Variants in ANKRD55 observed in about 807,000 individuals in gnomAD.
The protein encoded by ANKRD55 is ankyrin repeat domain 55, also known as ankyrin repeat domain-containing protein 55.
A neutral mutation model predicts 60.6 loss-of-function variants in ANKRD55; 41 were observed. The ratio of observed to expected loss-of-function variants is 0.68; its 90% CI spans 0.53 to 0.88. ANKRD55 has a LOEUF of 0.88. Ranked by LOEUF, ANKRD55 falls within the 40% of genes least tolerant of loss-of-function variation. The pLI, the probability that ANKRD55 is intolerant of heterozygous loss-of-function variation, is 0.00. For synonymous variants in ANKRD55, 264 were observed against 290.3 expected (o/e 0.91, Z 0.92); for missense variants, 732 against 767.6 (o/e 0.95, Z 0.55).
In ANKRD55 at chr5:56,206,164, A is replaced by G. The variant is rs192055462; in HGVS notation, c.59-22530T>C. Among the ~76,000 whole-genome samples, 456 of 150,614 alleles carry G rather than the reference A, an allele frequency of 3.0e-3. 4 individuals are homozygous for G. The highest frequency in any genetic ancestry group is 0.011 in the African/African-American group (435 of 40,742). On this transcript the variant is annotated intron_variant, in intron 2 of 11. Coordinates refer to ENST00000341048, the MANE Select transcript of ANKRD55 (RefSeq NM_024669.3). Reference sequence around the variant, plus strand: ...TTAATTTTTTGTATTTTTAGTAGACATGGGGCTTCACCATGTTGGCCAGGC... The same window carrying G: ...TTAATTTTTTGTATTTTTAGTAGACGTGGGGCTTCACCATGTTGGCCAGGC...
At chr5:56,177,863 T>A (rs1168812938) in intron 3 of ANKRD55, among the ~76,000 whole-genome samples, 3 of 152,176 alleles carry the variant, frequency 2.0e-5, no homozygotes, top group Non-Finnish European at 4.4e-5. Flanking sequence ...CTAATTTACA[T>A]CTATCTTGAG....
chr5:56,170,662 A>T lies in ANKRD55; in HGVS notation c.422+32T>A, dbSNP rs758722299. 1.9e-6 allele frequency: 3 copies of T among 1,576,506 alleles called. No homozygotes were observed. The South Asian group carries it at 3.3e-5, about 17-fold the overall frequency. On this transcript the variant is annotated intron_variant, in intron 5 of 11. Transcript: ENST00000341048. ...TTCTCATACAAGTTGAGTCACTCCC[A>T]ACTTGAGCATCATGTAAACCTGGCC...
intron 5 of ANKRD55, among the ~76,000 whole-genome samples, chr5:56,160,346 C>T (rs2111793931): frequency 6.6e-6 from 1 of 152,350 alleles, no homozygotes; most frequent in African/African-American, 2.4e-5. Flanking sequence ...TAGCACCATC[C>T]TCCTGCCTCA....
At chr5:56,100,337 A>G (rs1221521090) in intron 11 of ANKRD55, 33 bp from the exon 12 acceptor site, 8 of 1,613,370 alleles carry the variant, frequency 5.0e-6, no homozygotes, top group African/African-American at 2.7e-5. Context: ...GAGACTTTCA[A>G]GATTTGCTTC....
At chr5:56,217,747 T>A (rs1474047003) in intron 2 of ANKRD55, among the ~76,000 whole-genome samples, 1 of 151,844 alleles carries the variant, frequency 6.6e-6, no homozygotes, top group East Asian at 1.9e-4. Context: ...ACAAAAAAAA[T>A]TAGCCGGGCG....
rs528468748 is a variant in ANKRD55 at position 56,182,633 on chromosome 5, C to CTTGGTAT, written c.181+878_181+879insATACCAA. ...GGGATCTTCCTGTTTCTTGGTATGA[C>CTTGGTAT]GAGTGATTTTTGATTGAAACTTGGA... On this transcript the variant is annotated intron_variant, in intron 3 of 11. Coordinates refer to ENST00000341048, the MANE Select transcript of ANKRD55 (RefSeq NM_024669.3). Among the ~76,000 whole-genome samples the CTTGGTAT allele has an allele frequency of 1.6e-3, 246 of 152,094 alleles. 2 individuals are homozygous for CTTGGTAT. The highest frequency in any genetic ancestry group is 4.4e-3 in the African/African-American group (183 of 41,490).
chr5:56,113,171 C>G (rs1403885665), intron 9 of ANKRD55, among the ~76,000 whole-genome samples: 1 of 152,154 alleles, frequency 6.6e-6, no homozygotes, highest in Non-Finnish European at 1.5e-5. Flanking sequence ...CCACTGAACC[C>G]TTGGAGAGGG....
At chr5:56,116,574 T>A (rs752808794) in intron 9 of ANKRD55, 41 bp downstream of exon 9, 1 of 1,413,876 alleles carries the variant, frequency 7.1e-7, no homozygotes, top group Non-Finnish European at 9.3e-7. Context: ...TTATAAATAG[T>A]TGAGAAGAAT....
intron 6 of ANKRD55, among the ~76,000 whole-genome samples, chr5:56,149,557 C>T (rs777982369): frequency 1.5e-4 from 23 of 152,186 alleles, no homozygotes; most frequent in Non-Finnish European, 2.2e-4. Flanking sequence ...AGAACATCTA[C>T]ATTCTTCTGC....
At position 56,111,353 on chromosome 5, in the gene ANKRD55, A is replaced by G; in HGVS notation, c.1395T>C (p.His465=). The change falls in exon 10 of 12, where the codon CAT becomes CAC. Residue 465 remains histidine, a synonymous_variant. Transcript: ENST00000341048. ...SHAGLSSAPH[H]MAQRSQKSRS... is the part of the protein sequence containing the mutation. ...GACTTTTCTGAGATCGCTGGGCCAT[A>G]TGATGAGGAGCAGAGCTCAGGCCTG... 4 of 1,614,176 alleles carry G rather than the reference A, an allele frequency of 2.5e-6. No individual in the cohort carries two copies. Among genetic ancestry groups the G allele is most frequent in the East Asian group, 2.2e-5 (1 of 44,886 alleles).
chr5:56,111,955 T>G (rs1049816862), intron 9 of ANKRD55, among the ~76,000 whole-genome samples, 173 bp from the exon 10 acceptor site: 4 of 152,188 alleles, frequency 2.6e-5, no homozygotes, highest in Admixed American at 2.0e-4. Flanking sequence ...ACAGTACCCC[T>G]GGCAATCCCG....
chr5:56,143,881 T>C lies in ANKRD55; in HGVS notation c.532A>G (p.Thr178Ala). The C allele has an allele frequency of 6.2e-7, 1 of 1,614,102 alleles. No homozygotes were observed. The highest frequency in any genetic ancestry group is 8.5e-7 in the Non-Finnish European group (1 of 1,180,026). Residue 178 changes from threonine to alanine, a missense_variant, in exon 7 of 12, where the codon ACA becomes GCA. Around this residue, in one of 3 missense-constraint regions of ANKRD55, gnomAD observed 597 missense variants for 607.5 expected, o/e 0.98. Transcript: ENST00000341048. ...GCCCCCTTCTTCAGCAGCATTTGTGTGTGTTGAGGCTGGTTGTGGAAAGCC... is the reference window on the plus strand; with the variant it reads ...GCCCCCTTCTTCAGCAGCATTTGTGCGTGTTGAGGCTGGTTGTGGAAAGCC... ...WAAFHNQPQH[T>A]QMLLKKGADP...
At chr5:56,104,382 T>C (rs1382740151) in intron 10 of ANKRD55, among the ~76,000 whole-genome samples, 1 of 152,172 alleles carries the variant, frequency 6.6e-6, no homozygotes, top group African/African-American at 2.4e-5. Flanking sequence ...GTAACTTCTA[T>C]TATTCTGCCT....
intron 5 of ANKRD55, among the ~76,000 whole-genome samples, chr5:56,162,418 A>T: frequency 6.6e-6 from 1 of 152,116 alleles, no homozygotes; most frequent in East Asian, 1.9e-4. Context: ...GGGAACTGGC[A>T]GGAGGAGGGA....
intron 2 of ANKRD55, among the ~76,000 whole-genome samples, chr5:56,222,410 A>C (rs1174954454): frequency 1.3e-5 from 2 of 152,214 alleles, no homozygotes; most frequent in Non-Finnish European, 2.9e-5. Flanking sequence ...CAGAGCAGAA[A>C]AGCTGAAAAT....
chr5:56,122,582 C>CT, intron 8 of ANKRD55, among the ~76,000 whole-genome samples: 1 of 151,928 alleles, frequency 6.6e-6, no homozygotes, highest in Non-Finnish European at 1.5e-5. Flanking sequence ...TCGCTTGAAC[C>CT]AGGGAGGTGG....
At chr5:56,104,310 G>T (rs1756383780) in intron 10 of ANKRD55, among the ~76,000 whole-genome samples, 1 of 152,102 alleles carries the variant, frequency 6.6e-6, no homozygotes, top group Non-Finnish European at 1.5e-5. Flanking sequence ...AGTTCTAAAA[G>T]TGCTCAAGTC....
chr5:56,208,632 C>G (rs369334578), intron 2 of ANKRD55, among the ~76,000 whole-genome samples: 58 of 152,244 alleles, frequency 3.8e-4, no homozygotes, highest in African/African-American at 1.4e-3. Context: ...CCATGTTGGC[C>G]AGTCCGGTCT....
intron 6 of ANKRD55, among the ~76,000 whole-genome samples, chr5:56,157,936 TCA>T (rs1305671679): frequency 2.0e-5 from 3 of 152,166 alleles, no homozygotes; most frequent in African/African-American, 7.2e-5. Flanking sequence ...CGAGAAACGT[TCA>T]CAGGTATGGA....
Sources: gnomAD v4.1 joint callset for allele counts (sites outside exome capture counted in the v4.1 genomes callset) on GRCh38, gnomAD v4.1.1 for gene constraint, gnomAD v4.1.1 regional missense constraint, MANE v1.5 for transcripts, NCBI Gene and HGNC (gene_info 2026-07-23, HGNC 2026-07-21) for gene names.